Variants in SHROOM3 observed in about 807,000 individuals in gnomAD.
SHROOM3 encodes protein Shroom3.
In SHROOM3, 47 loss-of-function variants were observed where a neutral mutation model predicts 138.6. The ratio of observed to expected loss-of-function variants is 0.34; its 90% CI spans 0.27 to 0.43. The LOEUF (loss-of-function observed/expected upper bound fraction) is 0.43, where lower values mean the gene tolerates loss of function less well. Among genes scored for constraint, SHROOM3 ranks in the 20% least tolerant of loss-of-function variants. The probability of loss-of-function intolerance (pLI) is 1.00; values close to 1 mark genes in which losing one functional copy is unlikely to be tolerated. For synonymous variants in SHROOM3, 1,062 were observed against 1,063.3 expected (o/e 1.00, Z 0.02); for missense variants, 2,491 against 2,596.5 (o/e 0.96, Z 0.88).
chr4:76,522,484 C>A (rs1732587551), intron 1 of SHROOM3, among the ~76,000 whole-genome samples: 1 of 152,024 alleles, frequency 6.6e-6, no homozygotes, highest in African/African-American at 2.4e-5. Flanking sequence ...CTGGTCTAAG[C>A]TCTGACCAGG....
rs536168700 is a variant in SHROOM3, at chr4:76,756,874, A to G, written c.5135A>G (p.Glu1712Gly). 6.2e-7 allele frequency: 1 copy of G among 1,614,170 alleles called. No individual in the cohort carries two copies. The highest frequency in any genetic ancestry group is 1.3e-5 in the African/African-American group (1 of 75,028). The change falls in exon 8 of 11, where the codon GAA becomes GGA. Residue 1712 changes from glutamate (E) to glycine (G), a missense_variant. Physicochemically the swap from Glu to Gly is moderately conservative, Grantham distance 98. This residue lies in a region of SHROOM3 where 470 missense variants were observed against 595.0 expected (regional missense o/e 0.79). Transcript: ENST00000296043. ...LFPRDVNLLKENSVKRKAIQR... is the reference protein window; with the variant it reads ...LFPRDVNLLKGNSVKRKAIQR... ...CCCCGAGATGTGAACTTGCTGAAGG[A>G]AAACAGTGTAAAGAGGAAGGCCATA...
At chr4:76,747,709 T>C (rs1389265) in intron 5 of SHROOM3, among the ~76,000 whole-genome samples, 1 of 152,002 alleles carries the variant, frequency 6.6e-6, no homozygotes, top group East Asian at 1.9e-4. Flanking sequence ...GAAAAGACTT[T>C]TAAAGGACCA....
chr4:76,627,663 C>CT (rs35935280), intron 2 of SHROOM3, among the ~76,000 whole-genome samples: 25,618 of 141,732 alleles, frequency 0.18, 2,272 homozygotes, highest in Admixed American at 0.25. Flanking sequence ...TTGCAAAAGT[C>CT]TTTTTTTTTT....
intron 2 of SHROOM3, among the ~76,000 whole-genome samples, chr4:76,659,583 T>A (rs1736140292): frequency 6.6e-6 from 1 of 152,062 alleles, no homozygotes; most frequent in Admixed American, 6.6e-5. Context: ...TTCAGAAGCA[T>A]TTATTTATTT....
chr4:76,770,745 C>A lies in SHROOM3; in HGVS notation c.5469C>A (p.Ser1823Arg), dbSNP rs768544157. The change falls in exon 10 of 11, where the codon AGC (serine) becomes AGA (arginine). Residue 1823 changes from serine (S) to arginine (R), a missense_variant. Ser to Arg is a moderately radical substitution (Grantham distance 110). Around this residue, in one of 4 missense-constraint regions of SHROOM3, gnomAD observed 470 missense variants for 595.0 expected, o/e 0.79. Transcript: ENST00000296043. ...ALGEEVEALI[S>R]ELCKPNEFDK... ...GAGAAGAGGTGGAGGCTCTGATCAGCGAGCTCTGCAAGCCCAATGAGTTTG... is the reference window on the plus strand; with the variant it reads ...GAGAAGAGGTGGAGGCTCTGATCAGAGAGCTCTGCAAGCCCAATGAGTTTG... 1 of 1,614,036 alleles carries A rather than the reference C, an allele frequency of 6.2e-7. No homozygotes were observed. The highest frequency in any genetic ancestry group is 1.3e-5 in the African/African-American group (1 of 74,932).
intron 2 of SHROOM3, among the ~76,000 whole-genome samples, chr4:76,684,168 T>C (rs929835549): frequency 6.6e-6 from 1 of 152,238 alleles, no homozygotes; most frequent in Non-Finnish European, 1.5e-5. Flanking sequence ...TTAGGTTGCT[T>C]CCAATTTACA....
chr4:76,688,816 A>G (rs1488517398), intron 2 of SHROOM3: 22 of 985,276 alleles, frequency 2.2e-5, no homozygotes, highest in African/African-American at 3.5e-5. Flanking sequence ...TCTCTTGTCT[A>G]ATCAGAGACG....
chr4:76,502,430 T>C (rs1732116836), intron 1 of SHROOM3, among the ~76,000 whole-genome samples: 1 of 152,120 alleles, frequency 6.6e-6, no homozygotes, highest in African/African-American at 2.4e-5. Context: ...GACTGGCATC[T>C]GAAGGGGGGT....
At chr4:76,735,784 G>T (rs1209972950) in intron 4 of SHROOM3, among the ~76,000 whole-genome samples, 3 of 141,436 alleles carry the variant, frequency 2.1e-5, no homozygotes, top group Non-Finnish European at 3.0e-5. Context: ...TGGTTGCAGT[G>T]AGCCGAGATT....
At chr4:76,743,506 G>C (rs1721329021) in intron 5 of SHROOM3, among the ~76,000 whole-genome samples, 1 of 152,164 alleles carries the variant, frequency 6.6e-6, no homozygotes, top group South Asian at 2.1e-4. Context: ...CTTGTAGCCT[G>C]AGACCTTCTC....
Position 76,749,033 on chromosome 4 carries a change from A to C in SHROOM3, c.3770A>C (p.Gln1257Pro). 6.2e-7 allele frequency: 1 copy of C among 1,613,958 alleles called. No homozygotes were observed. Among genetic ancestry groups the C allele is most frequent in the East Asian group, 2.2e-5 (1 of 44,866 alleles). ...TGTTTCAAGGATGTGCTTTTGGGGCAAGACAGTGGCTTTGGTCTTGTGAAG... is the reference window on the plus strand; with the variant it reads ...TGTTTCAAGGATGTGCTTTTGGGGCCAGACAGTGGCTTTGGTCTTGTGAAG... ...ADKRQDVLLG[Q>P]DSGFGLVKDP... Residue 1257 changes from glutamine to proline, a missense_variant, in exon 6 of 11, where the codon CAA becomes CCA. Physicochemically the swap from Gln to Pro is moderately conservative, Grantham distance 76 (BLOSUM62 -1). This residue lies in a region of SHROOM3 where 1,733 missense variants were observed against 1,661.6 expected (regional missense o/e 1.04). Transcript: ENST00000296043.
chr4:76,500,314 T>C lies in SHROOM3; in HGVS notation c.169-55295T>C, dbSNP rs185352497. Among the ~76,000 whole-genome samples, 4 of 152,228 alleles carry C rather than the reference T, an allele frequency of 2.6e-5. No individual in the cohort carries two copies. The East Asian group carries it at 7.7e-4, about 29-fold the overall frequency. On this transcript the variant is annotated intron_variant, in intron 1 of 10. Coordinates refer to ENST00000296043, the MANE Select transcript of SHROOM3 (RefSeq NM_020859.4). The stretch of plus-strand genomic sequence containing the variant: ...TCAGGTTTGCCAGGGCTGTATCCCT[T>C]TGTTAGAGGACACAGCTCCTGTTGG...
intron 1 of SHROOM3, among the ~76,000 whole-genome samples, chr4:76,538,197 C>A (rs1001006012): frequency 2.0e-5 from 3 of 152,186 alleles, no homozygotes; most frequent in African/African-American, 7.2e-5. Context: ...CTGCAACCAG[C>A]CTGAATTGTA....
intron 1 of SHROOM3, among the ~76,000 whole-genome samples, chr4:76,511,483 A>G (rs996324656): frequency 6.6e-5 from 10 of 152,148 alleles, no homozygotes; most frequent in Non-Finnish European, 1.2e-4. Flanking sequence ...TCACCACTCA[A>G]CAACACCTCT....
intron 3 of SHROOM3, chr4:76,716,230 GC>G: frequency 2.0e-6 from 1 of 489,152 alleles, no homozygotes; most frequent in Non-Finnish European, 4.1e-6. Flanking sequence ...GCTGAGCTGG[GC>G]AAGTTCAAGG....
chr4:76,560,741 T>G (rs1560546098), intron 2 of SHROOM3, among the ~76,000 whole-genome samples: 1 of 152,234 alleles, frequency 6.6e-6, no homozygotes, highest in Non-Finnish European at 1.5e-5. Context: ...TTTTTTATAA[T>G]GCTATGCAAG....
chr4:76,724,963 A>G (rs1720656953), intron 3 of SHROOM3, among the ~76,000 whole-genome samples: 1 of 152,164 alleles, frequency 6.6e-6, no homozygotes, highest in African/African-American at 2.4e-5. Context: ...ATCCTTTTCA[A>G]TTCTTCGCTT....
intron 9 of SHROOM3, among the ~76,000 whole-genome samples, chr4:76,769,553 G>C (rs1722280809): frequency 6.6e-6 from 1 of 152,146 alleles, no homozygotes; most frequent in South Asian, 2.1e-4. Context: ...TTGCTTCACT[G>C]TTTTATAAGT....
At chr4:76,521,447 T>G (rs890857714) in intron 1 of SHROOM3, among the ~76,000 whole-genome samples, 3 of 152,212 alleles carry the variant, frequency 2.0e-5, no homozygotes, top group Admixed American at 1.3e-4. Flanking sequence ...TAGAAGACAA[T>G]TATGGCATTC....
Sources: gnomAD v4.1 joint callset for allele counts (sites outside exome capture counted in the v4.1 genomes callset) on GRCh38, gnomAD v4.1.1 for gene constraint, gnomAD v4.1.1 regional missense constraint, MANE v1.5 for transcripts, NCBI Gene and HGNC (gene_info 2026-07-23, HGNC 2026-07-21) for gene names.